DGKI: variants seen among roughly 807,000 people sequenced by gnomAD.
DGKI encodes DAG kinase iota.
DGKI carries 55 observed loss-of-function variants against 147.5 expected under a neutral mutation model. The observed-to-expected ratio is 0.37, with a 90% CI of 0.30 to 0.47. The LOEUF is 0.47. Ranked by LOEUF, DGKI falls within the 20% of genes least tolerant of loss-of-function variation. DGKI has a pLI of 1.00. For missense variants in DGKI, 1,007 were observed against 1,323.8 expected, an observed-to-expected ratio of 0.76 and a Z score of 3.71; for synonymous variants, 469 against 477.1, an observed-to-expected ratio of 0.98 and a Z score of 0.22.
rs1482210208 is a variant in DGKI at position 137,462,534 on chromosome 7, AT to A, written c.2735+954del. On this transcript the variant is annotated intron_variant, in intron 27 of 32. Transcript: ENST00000614521. ...TGAAATAATTAGCTCCAAATTTCTC[AT>A]TTTTTTCCCCTTTGTAATACTGAAA... Among the ~76,000 whole-genome samples, 4 of 152,174 alleles carry A rather than the reference AT, an allele frequency of 2.6e-5. No homozygotes were observed. The East Asian group carries it at 5.8e-4, about 22-fold the overall frequency.
chr7:137,514,687 A>G (rs1160705928), intron 21 of DGKI, among the ~76,000 whole-genome samples: 2 of 152,172 alleles, frequency 1.3e-5, no homozygotes, highest in Non-Finnish European at 2.9e-5. Context: ...ACTCTTATGC[A>G]ATACAGCGAA....
At chr7:137,713,451 C>G (rs1277706813) in intron 1 of DGKI, among the ~76,000 whole-genome samples, 1 of 152,168 alleles carries the variant, frequency 6.6e-6, no homozygotes, top group Non-Finnish European at 1.5e-5. Flanking sequence ...AAAGCTATCA[C>G]TATAATAACC....
chr7:137,627,752 G>A (rs1054285463), intron 6 of DGKI, among the ~76,000 whole-genome samples: 1 of 152,170 alleles, frequency 6.6e-6, no homozygotes, highest in African/African-American at 2.4e-5. Flanking sequence ...CAATCACCAG[G>A]CCACCATTCT....
chr7:137,420,614 T>A (rs1812527786), intron 28 of DGKI, among the ~76,000 whole-genome samples: 1 of 151,906 alleles, frequency 6.6e-6, no homozygotes, highest in Non-Finnish European at 1.5e-5. Context: ...AGGAACAGAT[T>A]TTTGGAGAAG....
At chr7:137,447,113 C>A (rs1020369074) in intron 27 of DGKI, among the ~76,000 whole-genome samples, 38 of 152,140 alleles carry the variant, frequency 2.5e-4, no homozygotes, top group African/African-American at 9.2e-4. Flanking sequence ...TATTTTGGTA[C>A]TTTTTACATT....
At chr7:137,811,398 A>T (rs1158811663) in intron 1 of DGKI, among the ~76,000 whole-genome samples, 2 of 151,308 alleles carry the variant, frequency 1.3e-5, no homozygotes, top group African/African-American at 4.8e-5. Context: ...ACACACACAC[A>T]CACACACACA....
At chr7:137,629,812 T>C (rs1342200785) in intron 6 of DGKI, among the ~76,000 whole-genome samples, 1 of 152,222 alleles carries the variant, frequency 6.6e-6, no homozygotes, top group Non-Finnish European at 1.5e-5. Flanking sequence ...CCTGGTAATG[T>C]GACTAATGTG....
At position 137,672,766 on chromosome 7, in the gene DGKI, C is replaced by CTTTTTT. The variant is rs60078498; in HGVS notation, c.606+5785_606+5790dup. Among the ~76,000 whole-genome samples the CTTTTTT allele has an allele frequency of 4.9e-4, 32 of 65,692 alleles. 3 individuals are homozygous for CTTTTTT. The highest frequency in any genetic ancestry group is 1.9e-3 in the East Asian group (4 of 2,058). 43.1% of individuals were successfully genotyped at this position (65,692 alleles called of 152,430 possible). On this transcript the variant is annotated intron_variant, in intron 3 of 32. Transcript: ENST00000614521. ...TCTCTGTGTGTGTGTCTCTGTGTGTCTTTTTTTTTTTTTTTTTTTTTTTTT... is the reference window on the plus strand; with the variant it reads ...TCTCTGTGTGTGTGTCTCTGTGTGTCTTTTTTTTTTTTTTTTTTTTTTTTTTTTTTT...
intron 21 of DGKI, among the ~76,000 whole-genome samples, chr7:137,494,937 G>A (rs1407591288): frequency 1.3e-5 from 2 of 152,034 alleles, no homozygotes; most frequent in East Asian, 3.9e-4. Flanking sequence ...CAGGTCACAT[G>A]CGATGACACA....
chr7:137,486,306 A>G (rs1246518358), intron 22 of DGKI, among the ~76,000 whole-genome samples: 1 of 152,128 alleles, frequency 6.6e-6, no homozygotes, highest in African/African-American at 2.4e-5. Context: ...GTGTATTAAT[A>G]TTATTCTACT....
At chr7:137,558,223 T>A (rs899811474) in intron 19 of DGKI, among the ~76,000 whole-genome samples, 5 of 152,176 alleles carry the variant, frequency 3.3e-5, no homozygotes, top group African/African-American at 1.2e-4. Context: ...TCATTAAGAT[T>A]TTTTTCATTT....
At chr7:137,520,745 G>C (rs114279413) in intron 21 of DGKI, among the ~76,000 whole-genome samples, 1 of 151,934 alleles carries the variant, frequency 6.6e-6, no homozygotes, top group Admixed American at 6.6e-5. Flanking sequence ...TCCTCACCTC[G>C]TGGCAACTCC....
chr7:137,411,364 T>C (rs1353467620), intron 29 of DGKI, among the ~76,000 whole-genome samples: 1 of 107,052 alleles, frequency 9.3e-6, no homozygotes, highest in Non-Finnish European at 2.0e-5. Context: ...TGTTTAGCTA[T>C]TAAAAAACAC....
At chr7:137,729,508 C>T (rs983886493) in intron 1 of DGKI, among the ~76,000 whole-genome samples, 2 of 152,122 alleles carry the variant, frequency 1.3e-5, no homozygotes, top group Admixed American at 1.3e-4. Flanking sequence ...TCTATAAAAA[C>T]TAAATAACTC....
chr7:137,638,428 C>CTA (rs141779868), intron 6 of DGKI, among the ~76,000 whole-genome samples: 2,946 of 98,302 alleles, frequency 0.03, 183 homozygotes, highest in African/African-American at 0.11. Context: ...GCAAGAACAA[C>CTA]TATATATATA....
intron 20 of DGKI, among the ~76,000 whole-genome samples, chr7:137,539,048 CT>C (rs546395243): frequency 8.6e-4 from 131 of 152,240 alleles, no homozygotes; most frequent in Non-Finnish European, 1.6e-3. Flanking sequence ...ATCTCCCTTT[CT>C]TTTTTCCCCC....
rs187004885 is a variant in DGKI at position 137,597,787 on chromosome 7, C to T, written c.1311+60G>A. ...GAGCAACGAATAAAAAGAAGTGCCA[C>T]AAGAAAACAATAAGAAAGATAGAAT... On this transcript the variant is annotated intron_variant, in intron 12 of 32. Coordinates refer to ENST00000614521, the MANE Select transcript of DGKI (RefSeq NM_001321708.2). The T allele has an allele frequency of 1.2e-5, 19 of 1,525,982 alleles. No homozygotes were observed. The Admixed American group carries it at 2.2e-4, about 18-fold the overall frequency. 94.5% of individuals were successfully genotyped at this position (1,525,982 alleles called of 1,614,324 possible).
intron 1 of DGKI, among the ~76,000 whole-genome samples, chr7:137,746,063 G>GT (rs1354919420): frequency 1.3e-5 from 2 of 152,114 alleles, no homozygotes; most frequent in African/African-American, 4.8e-5. Context: ...GGGGGATACT[G>GT]TATCTATTTA....
chr7:137,569,773 G>T (rs1030261942), intron 19 of DGKI, among the ~76,000 whole-genome samples: 11 of 65,642 alleles, frequency 1.7e-4, no homozygotes, highest in Non-Finnish European at 2.4e-4. Context: ...AAAAAAAAAA[G>T]AATTCTTCCC....
Sources: gnomAD v4.1 joint callset for allele counts (sites outside exome capture counted in the v4.1 genomes callset) on GRCh38, gnomAD v4.1.1 for gene constraint, MANE v1.5 for transcripts, NCBI Gene and HGNC (gene_info 2026-07-23, HGNC 2026-07-21) for gene names.